Variants in COL24A1 observed in about 807,000 individuals in gnomAD.
The protein encoded by COL24A1 is collagen type XXIV alpha 1 chain, also known as collagen alpha-1(XXIV) chain.
COL24A1 carries 224 observed loss-of-function variants against 253.9 expected under a neutral mutation model. The observed-to-expected ratio is 0.88, with a 90% CI of 0.79 to 0.99. COL24A1 has a LOEUF of 0.99. COL24A1 is among the 50% of genes least tolerant of loss of function. The pLI is 0.00. For missense variants in COL24A1, 2,131 were observed against 2,068.5 expected (o/e 1.03, Z -0.59); for synonymous variants, 685 against 673.7 (o/e 1.02, Z -0.26).
intron 5 of COL24A1, among the ~76,000 whole-genome samples, chr1:86,094,008 C>T (rs185751211): frequency 2.0e-4 from 30 of 151,986 alleles, no homozygotes; most frequent in African/African-American, 5.3e-4. Context: ...GGTGACGTTG[C>T]GGAGAAAAAG....
At chr1:86,078,027 T>C (rs1702380773) in intron 7 of COL24A1, among the ~76,000 whole-genome samples, 2 of 152,114 alleles carry the variant, frequency 1.3e-5, no homozygotes, top group Non-Finnish European at 2.9e-5. Context: ...ATATCTCTGA[T>C]AAATATTGAT....
At chr1:86,149,432 A>G (rs1411031778) in intron 1 of COL24A1, among the ~76,000 whole-genome samples, 1 of 152,254 alleles carries the variant, frequency 6.6e-6, no homozygotes, top group Non-Finnish European at 1.5e-5. Context: ...TTTATGTTTC[A>G]ACATATAACT....
At chr1:85,972,382 TA>T (rs962831421) in intron 20 of COL24A1, among the ~76,000 whole-genome samples, 39 of 151,372 alleles carry the variant, frequency 2.6e-4, no homozygotes, top group African/African-American at 5.6e-4. Flanking sequence ...TTTAACACAA[TA>T]AAAAAAAACT....
chr1:86,035,675 T>C (rs1304010082), intron 12 of COL24A1, among the ~76,000 whole-genome samples: 2 of 152,122 alleles, frequency 1.3e-5, no homozygotes, highest in East Asian at 3.8e-4. Flanking sequence ...ATTCTGAATA[T>C]ACTAAAAACT....
At position 85,738,546 on chromosome 1, in the gene COL24A1, C is replaced by T. The variant is rs117025730; in HGVS notation, c.4673-1041G>A. Among the ~76,000 whole-genome samples the T allele has an allele frequency of 9.3e-3, 1,414 of 152,256 alleles. 57 individuals are homozygous for T. Among genetic ancestry groups the T allele is most frequent in the Admixed American group, 0.062 (954 of 15,290 alleles). ...AATGGCCTAGCATCTTAATTCCAGA[C>T]TAATAGACTGAGAGTATTAAAATAG... On this transcript the variant is annotated intron_variant, in intron 57 of 59. Coordinates refer to ENST00000370571, the MANE Select transcript of COL24A1 (RefSeq NM_152890.7).
chr1:86,075,755 A>G (rs763191770), intron 7 of COL24A1, among the ~76,000 whole-genome samples: 20 of 152,192 alleles, frequency 1.3e-4, no homozygotes, highest in Non-Finnish European at 5.9e-5. Context: ...AAATCAATCA[A>G]CGTAATCCAT....
At chr1:86,107,842 A>G (rs1029825961) in intron 5 of COL24A1, among the ~76,000 whole-genome samples, 3 of 152,164 alleles carry the variant, frequency 2.0e-5, no homozygotes, top group Non-Finnish European at 4.4e-5. Context: ...TCTTCCACAA[A>G]TATATGCAGT....
intron 55 of COL24A1, among the ~76,000 whole-genome samples, chr1:85,756,057 C>CAAAAAAAAAAAAAAAAAAAAAAAA (rs200030128): frequency 1.0e-5 from 1 of 95,830 alleles, no homozygotes; most frequent in Admixed American, 1.2e-4. Flanking sequence ...TACTAACAAC[C>CAAAAAAAAAAAAAAAAAAAAAAAA]AAAAAAAAAA....
chr1:86,055,471 G>A (rs1700599793), intron 10 of COL24A1, among the ~76,000 whole-genome samples: 1 of 152,064 alleles, frequency 6.6e-6, no homozygotes. Context: ...AAAAACAAAA[G>A]GATGTATAAT....
At chr1:85,814,077 C>G (rs1672836239) in intron 47 of COL24A1, among the ~76,000 whole-genome samples, 1 of 152,118 alleles carries the variant, frequency 6.6e-6, no homozygotes, top group Admixed American at 6.5e-5. Flanking sequence ...AGCTTTTTAG[C>G]TGATTCTGTA....
intron 43 of COL24A1, among the ~76,000 whole-genome samples, chr1:85,834,137 A>G (rs1424831385): frequency 1.3e-5 from 2 of 152,114 alleles, no homozygotes; most frequent in Non-Finnish European, 2.9e-5. Flanking sequence ...TTTAAAAAAA[A>G]AGTAAATACA....
chr1:85,730,374 T>C lies in COL24A1; in HGVS notation c.*172A>G. The C allele has an allele frequency of 1.7e-6, 1 of 577,332 alleles. No individual in the cohort carries two copies. 35.8% of individuals were successfully genotyped at this position (577,332 alleles called of 1,614,324 possible). A position where few individuals can be genotyped will look rare whatever the true frequency, so the allele number is the denominator to read the frequency against. ...AAATACTTTATCAATCATAGTCCTT[T>C]AAAAATGCCTTTTCTCCTTCTTAGG... On this transcript the variant is annotated 3_prime_UTR_variant, in exon 60 of 60. Coordinates refer to ENST00000370571, the MANE Select transcript of COL24A1 (RefSeq NM_152890.7).
At chr1:85,774,163 G>A (rs893843495) in intron 53 of COL24A1, among the ~76,000 whole-genome samples, 5 of 152,096 alleles carry the variant, frequency 3.3e-5, no homozygotes, top group Non-Finnish European at 7.4e-5. Flanking sequence ...TTTATGTGAC[G>A]GATTATGCTT....
intron 19 of COL24A1, among the ~76,000 whole-genome samples, chr1:85,990,736 T>C (rs538019393): frequency 6.6e-6 from 1 of 152,302 alleles, no homozygotes; most frequent in South Asian, 2.1e-4. Flanking sequence ...CAATATGAAC[T>C]TCAACAAGGA....
intron 5 of COL24A1, among the ~76,000 whole-genome samples, chr1:86,100,175 T>G (rs1042930279): frequency 1.3e-5 from 2 of 152,048 alleles, no homozygotes; most frequent in African/African-American, 4.8e-5. Flanking sequence ...ACCTCTCTGA[T>G]CATATTCCTG....
intron 24 of COL24A1, among the ~76,000 whole-genome samples, chr1:85,918,044 A>G (rs1235516582): frequency 6.6e-6 from 1 of 152,050 alleles, no homozygotes; most frequent in African/African-American, 2.4e-5. Flanking sequence ...CCTTCTTGTG[A>G]TAAATCACCT....
Position 85,874,641 on chromosome 1 carries a change from G to A in COL24A1, c.3138+8C>T, listed in dbSNP as rs61785085. ...AGTGTATTAAAAGAGTTTCAAGGGG[G>A]CACTCACCCGTAAACCTGGTTCCCC... On this transcript the variant is annotated splice_region_variant and intron_variant, in intron 35 of 59. Transcript: ENST00000370571. 18,513 of 1,611,396 alleles carry A rather than the reference G, an allele frequency of 0.011. 155 individuals carry two copies. Among genetic ancestry groups the A allele is most frequent in the Non-Finnish European group, 0.014 (16,870 of 1,179,034 alleles).
chr1:85,832,187 C>G (rs1675375332), intron 43 of COL24A1, among the ~76,000 whole-genome samples: 1 of 152,146 alleles, frequency 6.6e-6, no homozygotes, highest in East Asian at 1.9e-4. Flanking sequence ...ATAGGGAATC[C>G]TTTCCCCATT....
intron 18 of COL24A1, among the ~76,000 whole-genome samples, chr1:86,020,061 C>CTTTTTTTTTTTTTTT (rs10582249): frequency 1.9e-4 from 20 of 102,626 alleles, no homozygotes; most frequent in Non-Finnish European, 3.5e-4. Flanking sequence ...TTCATTCTTT[C>CTTTTTTTTTTTTTTT]TTTTTTTTTT....
Sources: gnomAD v4.1 joint callset for allele counts (sites outside exome capture counted in the v4.1 genomes callset) on GRCh38, gnomAD v4.1.1 for gene constraint, MANE v1.5 for transcripts, NCBI Gene and HGNC (gene_info 2026-07-23, HGNC 2026-07-21) for gene names.